PRKCA: variants seen among roughly 807,000 people sequenced by gnomAD.
PRKCA encodes protein kinase C alpha, also known as protein kinase C alpha type.
PRKCA carries 27 observed loss-of-function variants against 87.0 expected under a neutral mutation model. The observed-to-expected ratio is 0.31, with a 90% CI of 0.23 to 0.43. PRKCA has a LOEUF of 0.43. Ranked by LOEUF, PRKCA falls within the 20% of genes least tolerant of loss-of-function variation. The pLI is 1.00. For missense variants in PRKCA, 518 were observed against 852.3 expected (o/e 0.61, Z 4.88); for synonymous variants, 329 against 311.1 (o/e 1.06, Z -0.61).
intron 8 of PRKCA, among the ~76,000 whole-genome samples, chr17:66,729,290 G>A (rs1973828488): frequency 6.6e-6 from 1 of 152,166 alleles, no homozygotes; most frequent in Non-Finnish European, 1.5e-5. Flanking sequence ...TGTAATCCCA[G>A]CTACTCAGGA....
At chr17:66,548,808 G>GTT (rs10543010) in intron 3 of PRKCA, among the ~76,000 whole-genome samples, 1 of 147,650 alleles carries the variant, frequency 6.8e-6, no homozygotes, top group Non-Finnish European at 1.5e-5. Context: ...GTTTCGGCAA[G>GTT]TTTTTTTTTT....
chr17:66,342,563 C>G (rs1012457364), intron 2 of PRKCA, among the ~76,000 whole-genome samples: 1 of 151,176 alleles, frequency 6.6e-6, no homozygotes, highest in Admixed American at 6.6e-5. Context: ...TAATGCCAAG[C>G]AAGGGAATTA....
At chr17:66,752,329 T>G (rs1974451701) in intron 13 of PRKCA, among the ~76,000 whole-genome samples, 1 of 152,208 alleles carries the variant, frequency 6.6e-6, no homozygotes, top group African/African-American at 2.4e-5. Flanking sequence ...GCGTGGTGGC[T>G]CACACGCGTA....
chr17:66,687,325 C>T (rs1238634839), intron 6 of PRKCA, 58 bp downstream of exon 6: 3 of 1,533,812 alleles, frequency 2.0e-6, no homozygotes, highest in African/African-American at 2.8e-5. Flanking sequence ...TTGCCCACCT[C>T]ATTATTTGAG....
chr17:66,547,301 T>G (rs1234290609), intron 3 of PRKCA, among the ~76,000 whole-genome samples: 1 of 152,188 alleles, frequency 6.6e-6, no homozygotes, highest in African/African-American at 2.4e-5. Flanking sequence ...CAGTCAGCTG[T>G]GGTCTCCCTC....
At chr17:66,514,677 G>A (rs939961377) in intron 3 of PRKCA, among the ~76,000 whole-genome samples, 13 of 152,130 alleles carry the variant, frequency 8.5e-5, no homozygotes, top group African/African-American at 3.1e-4. Flanking sequence ...CCCGGTAGGT[G>A]TGAGATGCCT....
At chr17:66,470,666 G>A (rs1915289326) in intron 2 of PRKCA, among the ~76,000 whole-genome samples, 1 of 152,142 alleles carries the variant, frequency 6.6e-6, no homozygotes, top group Non-Finnish European at 1.5e-5. Flanking sequence ...GGCACAGTCA[G>A]CCCTTCGTTT....
intron 3 of PRKCA, among the ~76,000 whole-genome samples, chr17:66,550,217 A>G (rs1968283357): frequency 6.6e-6 from 1 of 152,228 alleles, no homozygotes; most frequent in African/African-American, 2.4e-5. Flanking sequence ...GATGATGTTC[A>G]TCTGCTTCTA....
intron 2 of PRKCA, among the ~76,000 whole-genome samples, chr17:66,389,240 A>G (rs1910229996): frequency 6.6e-6 from 1 of 152,166 alleles, no homozygotes; most frequent in Admixed American, 6.5e-5. Context: ...CTGTGGCGTT[A>G]AATTTCACTT....
intron 10 of PRKCA, among the ~76,000 whole-genome samples, chr17:66,736,847 G>A (rs10853078): frequency 0.21 from 32,050 of 151,992 alleles, 3,890 homozygotes; most frequent in Middle Eastern, 0.32. Context: ...ACACTCCTTC[G>A]TGTACCTGTC....
chr17:66,424,656 G>A (rs758925721), intron 2 of PRKCA, among the ~76,000 whole-genome samples: 12 of 151,370 alleles, frequency 7.9e-5, no homozygotes, highest in Middle Eastern at 3.2e-3. Context: ...AAAAATCAAT[G>A]TATGAAAGAT....
chr17:66,496,264 A>G lies in PRKCA; in HGVS notation c.269A>G (p.Asp90Gly), dbSNP rs1450533796. 1.2e-6 allele frequency: 2 copies of G among 1,613,858 alleles called. No homozygotes were observed. The highest frequency in any genetic ancestry group is 2.2e-5 in the East Asian group (1 of 44,872). ...EFVTFSCPGA[D>G]KGPDTDDPRS... ...GTTACTTTTTCTTGTCCGGGTGCGG[A>G]TAAGGGACCCGACACTGATGTAAGT... Residue 90 changes from aspartate to glycine, a missense_variant, in exon 3 of 17, where the codon GAT (aspartate) becomes GGT (glycine). Transcript: ENST00000413366.
chr17:66,777,930 A>G, intron 14 of PRKCA: 1 of 985,320 alleles, frequency 1.0e-6, no homozygotes, highest in Non-Finnish European at 1.2e-6. Flanking sequence ...CTCATTCACT[A>G]GGGGAGAACT....
At chr17:66,529,268 C>G (rs1441643308) in intron 3 of PRKCA, among the ~76,000 whole-genome samples, 2 of 152,164 alleles carry the variant, frequency 1.3e-5, no homozygotes, top group African/African-American at 2.4e-5. Flanking sequence ...CTCTCCATCC[C>G]TATTTTGTCC....
intron 2 of PRKCA, among the ~76,000 whole-genome samples, chr17:66,447,221 G>A (rs190707012): frequency 1.6e-4 from 24 of 152,260 alleles, no homozygotes; most frequent in Admixed American, 1.3e-3. Flanking sequence ...AGATGTATAC[G>A]GGATGGTGAC....
intron 2 of PRKCA, among the ~76,000 whole-genome samples, chr17:66,330,052 T>C (rs1906231336): frequency 6.6e-6 from 1 of 152,092 alleles, no homozygotes; most frequent in Non-Finnish European, 1.5e-5. Flanking sequence ...TGCTGGTCTG[T>C]TGGGTACTAA....
At chr17:66,493,250 C>A (rs1190189228) in intron 2 of PRKCA, among the ~76,000 whole-genome samples, 1 of 151,346 alleles carries the variant, frequency 6.6e-6, no homozygotes, top group Non-Finnish European at 1.5e-5. Flanking sequence ...TATCTTCATC[C>A]TCTGAGTTGT....
intron 16 of PRKCA, among the ~76,000 whole-genome samples, chr17:66,802,576 G>T (rs1975925624): frequency 6.6e-6 from 1 of 151,972 alleles, no homozygotes; most frequent in South Asian, 2.1e-4. Flanking sequence ...AAGATAAAGT[G>T]TGAAAAAAGA....
At chr17:66,437,731 T>TTTTTTTTTTTTTGGGGG (rs55779501) in intron 2 of PRKCA, among the ~76,000 whole-genome samples, 1 of 11,142 alleles carries the variant, frequency 9.0e-5, no homozygotes, top group Non-Finnish European at 1.6e-4. Context: ...TTTTTTTTTT[T>TTTTTTTTTTTTTGGGGG]GAGCGGGGGG....
Sources: allele counts gnomAD v4.1 joint callset (sites outside exome capture counted in the v4.1 genomes callset), GRCh38; gene constraint gnomAD v4.1.1; transcripts MANE v1.5; gene names NCBI Gene and HGNC (gene_info 2026-07-23, HGNC 2026-07-21).